Variants in KIFC2 observed in about 807,000 individuals in gnomAD.
The protein encoded by KIFC2 is kinesin-like protein KIFC2.
Under a neutral mutation model 91.5 loss-of-function variants are expected in KIFC2, and 94 were observed. The ratio of observed to expected loss-of-function variants is 1.03; its 90% confidence interval spans 0.87 to 1.22. The LOEUF (loss-of-function observed/expected upper bound fraction) is 1.22. Among genes scored for constraint, KIFC2 ranks in the 50% most tolerant of loss-of-function variants. KIFC2 has a pLI of 0.00. For synonymous variants in KIFC2, 729 were observed against 503.9 expected, an observed-to-expected ratio of 1.45 and a Z score of -5.98; for missense variants, 1,357 against 1,103.3, an observed-to-expected ratio of 1.23 and a Z score of -3.26.
At position 144,467,755 on chromosome 8, in the gene KIFC2, G is replaced by T; in HGVS notation, c.657G>T (p.Glu219Asp). 6.2e-7 allele frequency: 1 copy of T among 1,613,876 alleles called. No individual in the cohort carries two copies. Among genetic ancestry groups the T allele is most frequent in the South Asian group, 1.1e-5 (1 of 91,084 alleles). Residue 219 changes from glutamate to aspartate, a missense_variant, in exon 6 of 18, where the codon GAG becomes GAT. By Grantham distance (45) the Glu-to-Asp change is conservative. Transcript: ENST00000645548. ...LKQQLEQQEE[E>D]LGRLRLGVGA... ...AGCAGCTGGAACAGCAGGAGGAGGA[G>T]TTGGGTCGACTGCGCCTGGGCGTGG...
chr8:144,471,961 C>G lies in KIFC2; in HGVS notation c.1400C>G (p.Pro467Arg). The G allele has an allele frequency of 6.2e-7, 1 of 1,613,376 alleles. No homozygotes were observed. The highest frequency in any genetic ancestry group is 8.5e-7 in the Non-Finnish European group (1 of 1,180,002). Residue 467 changes from proline (P) to arginine (R), a missense_variant, in exon 13 of 18, where the codon CCT becomes CGT. Pro to Arg is a moderately radical substitution (Grantham distance 103). Coordinates refer to ENST00000645548, the MANE Select transcript of KIFC2 (RefSeq NM_001369769.2). ...SQEEVFRELE[P>R]AVLSCLRGYS... ...CCGCAGGTCTTCAGAGAGCTGGAACCTGCGGTGCTGTCCTGCCTCCGAGGC... is the reference window on the plus strand; with the variant it reads ...CCGCAGGTCTTCAGAGAGCTGGAACGTGCGGTGCTGTCCTGCCTCCGAGGC...
Position 144,468,601 on chromosome 8 carries a change from G to T in KIFC2, c.954G>T (p.Thr318=), listed in dbSNP as rs759403838. ...QGALQQLQQE[T]EQNCRRELQQ... is the part of the protein sequence containing the mutation. The stretch of plus-strand genomic sequence containing the variant: ...CCCTCCAGCAGCTCCAGCAGGAGAC[G>T]GAGCAGAACTGCAGGCGTGAGCTAC... The change falls in exon 9 of 18, where the codon ACG becomes ACT. Residue 318 remains threonine (T), a synonymous_variant. Coordinates refer to ENST00000645548, the MANE Select transcript of KIFC2 (RefSeq NM_001369769.2). 2.5e-6 allele frequency: 4 copies of T among 1,612,846 alleles called. No homozygotes were observed. Among genetic ancestry groups the T allele is most frequent in the Middle Eastern group, 1.7e-4 (1 of 6,060 alleles).
chr8:144,472,573 C>T lies in KIFC2; in HGVS notation c.1732-4C>T. On this transcript the variant is annotated splice_region_variant and splice_polypyrimidine_tract_variant and intron_variant, in intron 15 of 17. Transcript: ENST00000645548. ...CCTGACCAGCCCTTCGCCCCGCCTT[C>T]CAGATGCTGAAACTGGGGAGGAGCA... 6.2e-7 allele frequency: 1 copy of T among 1,611,514 alleles called. No homozygotes were observed. The highest frequency in any genetic ancestry group is 8.5e-7 in the Non-Finnish European group (1 of 1,179,806).
chr8:144,466,513 GC>G lies in KIFC2; in HGVS notation c.97del (p.Gln33ArgfsTer23). ...GGCGGCCGCGGAGCCCGGGGACCCC[GC>G]CCAGGTGAGCGGGGCTGGCCGTGCA... ...AAAAAEPGDPAQRARKPRGRR... is the reference protein window; with the variant it reads ...AAAAAEPGDPXQRARKPRGRR... On this transcript the variant is annotated frameshift_variant, in exon 1 of 18. Transcript: ENST00000645548. LOFTEE classifies it high-confidence loss of function. 7.8e-7 allele frequency: 1 copy of G among 1,281,442 alleles called. No homozygotes were observed. Among genetic ancestry groups the G allele is most frequent in the Non-Finnish European group, 9.9e-7 (1 of 1,006,512 alleles). 79.4% of individuals were successfully genotyped at this position (1,281,442 alleles called of 1,614,324 possible). A position where few individuals can be genotyped will look rare whatever the true frequency, so the allele number is the denominator to read the frequency against.
In KIFC2 at chr8:144,472,628, C is replaced by A; in HGVS notation, c.1783C>A (p.Gln595Lys). 1.2e-6 allele frequency: 2 copies of A among 1,604,024 alleles called. No homozygotes were observed. The highest frequency in any genetic ancestry group is 1.7e-6 in the Non-Finnish European group (2 of 1,179,702). Residue 595 changes from glutamine (Q) to lysine (K), a missense_variant, in exon 16 of 18, where the codon CAG becomes AAG. By Grantham distance (53) the Gln-to-Lys change is moderately conservative. Coordinates refer to ENST00000645548, the MANE Select transcript of KIFC2 (RefSeq NM_001369769.2). ...NRATAATAMN[Q>K]RSSRSHALVT... ...GGCCACCGCCGCCACCGCCATGAAC[C>A]AGCGCAGCTCCCGCTCGCATGCCCT...
chr8:144,466,265 C>G (rs1014472919), upstream of KIFC2: 1 of 208,022 alleles, frequency 4.8e-6, no homozygotes, highest in Admixed American at 5.9e-5. Flanking sequence ...GTTTCTAGTA[C>G]CCCCGTCCCC....
intron 10 of KIFC2, 132 bp from the exon 11 acceptor site, chr8:144,469,139 C>A: frequency 2.7e-6 from 2 of 744,008 alleles, no homozygotes; most frequent in Non-Finnish European, 2.3e-6. Context: ...GGCCCAGAGC[C>A]ACTGAAAGTT....
At chr8:144,471,063 A>G (rs1369457543) in intron 12 of KIFC2, among the ~76,000 whole-genome samples, 1 of 151,864 alleles carries the variant, frequency 6.6e-6, no homozygotes, top group African/African-American at 2.4e-5. Flanking sequence ...TCCTGGGTTC[A>G]AGCAATTCTC....
intron 9 of KIFC2, 28 bp downstream of exon 9, chr8:144,468,678 A>C: frequency 6.2e-7 from 1 of 1,613,044 alleles, no homozygotes; most frequent in East Asian, 2.2e-5. Context: ...GGCTCATGGG[A>C]GGCCCTGGAG....
chr8:144,469,967 C>T (rs1024651062), intron 12 of KIFC2, among the ~76,000 whole-genome samples: 2 of 152,246 alleles, frequency 1.3e-5, no homozygotes, highest in Non-Finnish European at 2.9e-5. Flanking sequence ...GAGGAGGCAA[C>T]CTTCTAGTCT....
chr8:144,466,700 G>T, intron 1 of KIFC2, 60 bp from the exon 2 acceptor site: 1 of 1,368,072 alleles, frequency 7.3e-7, no homozygotes, highest in South Asian at 1.4e-5. Flanking sequence ...GGTTCGCGGA[G>T]GGAAGGGGCC....
intron 4 of KIFC2, 48 bp downstream of exon 4, chr8:144,467,389 C>A: frequency 6.5e-7 from 1 of 1,550,124 alleles, no homozygotes; most frequent in Admixed American, 2.0e-5. Context: ...GGGAGCAAAT[C>A]CCGGTAGAAC....
chr8:144,470,227 G>A (rs1824873956), intron 12 of KIFC2, among the ~76,000 whole-genome samples: 1 of 151,504 alleles, frequency 6.6e-6, no homozygotes, highest in African/African-American at 2.4e-5. Flanking sequence ...CACAGGGACA[G>A]GGGGACGACT....
rs1222755934 is a variant in KIFC2 at position 144,471,336 on chromosome 8, CAG to C, written c.1381-605_1381-604del. Among the ~76,000 whole-genome samples, 3 of 142,996 alleles carry C rather than the reference CAG, an allele frequency of 2.1e-5. No homozygotes were observed. The Admixed American group carries it at 2.2e-4, about 10-fold the overall frequency. The allele number at this position is 142,996 out of a possible 152,430, so 93.8% of individuals were successfully genotyped here. A position where few individuals can be genotyped will look rare whatever the true frequency, so the allele number is the denominator to read the frequency against. ...GTATATGTATTTTTTTTTTTTTGGA[CAG>C]TCACACTTTGTCATCAGGCTGGAGT... On this transcript the variant is annotated intron_variant, in intron 12 of 17. Transcript: ENST00000645548.
chr8:144,472,018 C>A lies in KIFC2; in HGVS notation c.1457C>A (p.Thr486Lys), dbSNP rs1824946759. The A allele has an allele frequency of 6.2e-7, 1 of 1,613,448 alleles. No individual in the cohort carries two copies. Among genetic ancestry groups the A allele is most frequent in the South Asian group, 1.1e-5 (1 of 91,096 alleles). The change falls in exon 13 of 18, where the codon ACA (threonine) becomes AAA (lysine). Residue 486 changes from threonine (T) to lysine (K), a missense_variant. Physicochemically the swap from Thr to Lys is moderately conservative, Grantham distance 78 (BLOSUM62 -1). Transcript: ENST00000645548. ...GTCTGCATCTTCACCTATGGCCAGA[C>A]AGGCACCGGGAAGACCTACAGCATG... ...YSVCIFTYGQ[T>K]GTGKTYSMEG...
chr8:144,468,994 T>C (rs1435336480), intron 10 of KIFC2, among the ~76,000 whole-genome samples, 160 bp downstream of exon 10: 2 of 152,220 alleles, frequency 1.3e-5, no homozygotes, highest in Non-Finnish European at 2.9e-5. Context: ...CTGGGCCTTA[T>C]TTTAATTCTA....
At position 144,472,663 on chromosome 8, in the gene KIFC2, G is replaced by T; in HGVS notation, c.1818G>T (p.Leu606=). Residue 606 remains leucine, a synonymous_variant, in exon 16 of 18, where the codon CTG becomes CTT. Coordinates refer to ENST00000645548, the MANE Select transcript of KIFC2 (RefSeq NM_001369769.2). ...CCCGCTCGCATGCCCTGGTCACGCT[G>T]ACGCTGCGCGCGGCGTCTCCACCGC... ...RSSRSHALVT[L]TLRAASPPRA... is the part of the protein sequence containing the mutation. The T allele has an allele frequency of 6.3e-7, 1 of 1,597,700 alleles. No homozygotes were observed. The highest frequency in any genetic ancestry group is 1.1e-5 in the South Asian group (1 of 90,926).
rs755989077 is a variant in KIFC2 at position 144,468,841 on chromosome 8, A to G, written c.1113+7A>G. 1.2e-6 allele frequency: 2 copies of G among 1,607,848 alleles called. No individual in the cohort carries two copies. Among genetic ancestry groups the G allele is most frequent in the South Asian group, 2.2e-5 (2 of 90,930 alleles). The stretch of plus-strand genomic sequence containing the variant: ...GAGTGAGGCCCGGGGCCAGGTCAGG[A>G]CCCCTCCCCGCCTAGCCCCTCCTCT... On this transcript the variant is annotated splice_region_variant and intron_variant, in intron 10 of 17. Transcript: ENST00000645548.
rs767702570 is a variant in KIFC2, at chr8:144,469,664, G to A, written c.1380+17G>A. On this transcript the variant is annotated intron_variant, in intron 12 of 17. Coordinates refer to ENST00000645548, the MANE Select transcript of KIFC2 (RefSeq NM_001369769.2). The stretch of plus-strand genomic sequence containing the variant: ...CAGGAGGAGGTGACAGCCTGCCTTT[G>A]CAGCCATCCTGACCCTTTTTCAGAG... The A allele has an allele frequency of 1.3e-6, 2 of 1,577,626 alleles. No individual in the cohort carries two copies. Among genetic ancestry groups the A allele is most frequent in the Admixed American group, 1.8e-5 (1 of 56,346 alleles).
Sources: gnomAD v4.1 joint callset for allele counts (sites outside exome capture counted in the v4.1 genomes callset) on GRCh38, gnomAD v4.1.1 for gene constraint, MANE v1.5 for transcripts, NCBI Gene and HGNC (gene_info 2026-07-23, HGNC 2026-07-21) for gene names.